MGRN1: variants seen among roughly 807,000 people sequenced by gnomAD.
MGRN1 encodes the protein E3 ubiquitin-protein ligase MGRN1.
MGRN1 carries 29 observed loss-of-function variants against 69.2 expected under a neutral mutation model. That is an observed-to-expected ratio of 0.42 (90% CI 0.31 to 0.57). The LOEUF (loss-of-function observed/expected upper bound fraction) is 0.57. Among genes scored for constraint, MGRN1 ranks in the 20% least tolerant of loss-of-function variants. The pLI is 0.15. For missense variants in MGRN1, 998 were observed against 796.2 expected, an observed-to-expected ratio of 1.25 and a Z score of -3.05; for synonymous variants, 470 against 344.2, an observed-to-expected ratio of 1.37 and a Z score of -4.04.
At position 4,681,577 on chromosome 16, in the gene MGRN1, G is replaced by C. The variant is rs369202298; in HGVS notation, c.1159G>C (p.Glu387Gln). The change falls in exon 13 of 17, where the codon GAG becomes CAG. Residue 387 changes from glutamate (E) to glutamine (Q), a missense_variant. Physicochemically the swap from Glu to Gln is conservative, Grantham distance 29. Coordinates refer to ENST00000262370, the MANE Select transcript of MGRN1 (RefSeq NM_015246.4). ...TNSDSVPPGY[E>Q]PISLLEALNG... is the part of the protein sequence containing the mutation. ...CTCTGACAGCGTCCCACCTGGCTAC[G>C]AGCCCATCTCGCTGCTCGAGGCGCT... 7 of 1,613,208 alleles carry C rather than the reference G, an allele frequency of 4.3e-6. No homozygotes were observed. The highest frequency in any genetic ancestry group is 1.3e-5 in the African/African-American group (1 of 74,950).
At chr16:4,661,486 T>A (rs2078681196) in intron 5 of MGRN1, among the ~76,000 whole-genome samples, 2 of 152,224 alleles carry the variant, frequency 1.3e-5, no homozygotes, top group African/African-American at 4.8e-5. Flanking sequence ...CACTTGGAGC[T>A]TTGTGTTAGG....
Position 4,652,010 on chromosome 16 carries a change from G to A in MGRN1, c.255G>A (p.Arg85=). The change falls in exon 3 of 17, where the codon CGG becomes CGA. Residue 85 remains arginine (R), a synonymous_variant. Transcript: ENST00000262370. Reference sequence around the variant, plus strand: ...CCCACGAGCCCGTGAAGACGCTGCGGAGCCTGGTGAACATCCGCAAAGACT... The same window carrying A: ...CCCACGAGCCCGTGAAGACGCTGCGAAGCCTGGTGAACATCCGCAAAGACT... ...PAPHEPVKTL[R]SLVNIRKDSL... 6.2e-7 allele frequency: 1 copy of A among 1,614,052 alleles called. No individual in the cohort carries two copies. The highest frequency in any genetic ancestry group is 8.5e-7 in the Non-Finnish European group (1 of 1,179,974).
At chr16:4,641,750 C>G (rs534016258) in intron 1 of MGRN1, among the ~76,000 whole-genome samples, 14 of 152,036 alleles carry the variant, frequency 9.2e-5, no homozygotes, top group Non-Finnish European at 1.6e-4. Flanking sequence ...AACTCCCAAC[C>G]TCAGGTGATT....
Position 4,682,926 on chromosome 16 carries a change from C to A in MGRN1, c.1462C>A (p.Arg488=), listed in dbSNP as rs772407632. 11 of 1,595,462 alleles carry A rather than the reference C, an allele frequency of 6.9e-6. No individual in the cohort carries two copies. The highest frequency in any genetic ancestry group is 9.4e-6 in the Non-Finnish European group (11 of 1,168,604). Reference sequence around the variant, plus strand: ...ACTGGGTGGCGCAGAGCTGGCCCTGCGGGAAAGCAGCTCCCCTGAGGTGAG... The same window carrying A: ...ACTGGGTGGCGCAGAGCTGGCCCTGAGGGAAAGCAGCTCCCCTGAGGTGAG... ...PPLGGAELAL[R]ESSSPESFIT... is the part of the protein sequence containing the mutation. Residue 488 remains arginine (R), a synonymous_variant, in exon 14 of 17, where the codon CGG becomes AGG. Coordinates refer to ENST00000262370, the MANE Select transcript of MGRN1 (RefSeq NM_015246.4).
intron 9 of MGRN1, chr16:4,672,377 GAGT>G (rs1229399869): frequency 2.2e-6 from 1 of 456,582 alleles, no homozygotes; most frequent in Non-Finnish European, 4.4e-6. Context: ...ACACTGACAT[GAGT>G]GAAACTCCTG....
chr16:4,643,969 T>G (rs1162199564), intron 1 of MGRN1, among the ~76,000 whole-genome samples: 1 of 146,856 alleles, frequency 6.8e-6, no homozygotes, highest in African/African-American at 2.7e-5. Context: ...ATGCTAGTTT[T>G]TTTTGTTTGT....
intron 4 of MGRN1, among the ~76,000 whole-genome samples, chr16:4,653,738 T>G (rs1378480717): frequency 6.6e-6 from 1 of 151,804 alleles, no homozygotes; most frequent in East Asian, 1.9e-4. Context: ...TCTGTCCATC[T>G]CAGCCTCCCA....
rs185743892 is a variant in MGRN1 at position 4,660,276 on chromosome 16, G to A, written c.561+2913G>A. 6.2e-3 allele frequency among the ~76,000 whole-genome samples: 937 copies of A among 152,330 alleles called. 13 individuals are homozygous for A. The highest frequency in any genetic ancestry group is 0.021 in the African/African-American group (890 of 41,584). Reference sequence around the variant, plus strand: ...CTGGGTTTGCCCCTCTGTAGACTGGGGCTGGAAGCAGTCCCTCGCAGGGTG... The same window carrying A: ...CTGGGTTTGCCCCTCTGTAGACTGGAGCTGGAAGCAGTCCCTCGCAGGGTG... On this transcript the variant is annotated intron_variant, in intron 5 of 16. Coordinates refer to ENST00000262370, the MANE Select transcript of MGRN1 (RefSeq NM_015246.4).
chr16:4,667,008 C>T lies in MGRN1; in HGVS notation c.679-1257C>T, dbSNP rs768662275. On this transcript the variant is annotated intron_variant, in intron 7 of 16. Coordinates refer to ENST00000262370, the MANE Select transcript of MGRN1 (RefSeq NM_015246.4). Reference sequence around the variant, plus strand: ...TAGTGCCTTGGTGCCTCGGTGGCCCCGCCCCCAGTGTGCACTGACGTTCAT... The same window carrying T: ...TAGTGCCTTGGTGCCTCGGTGGCCCTGCCCCCAGTGTGCACTGACGTTCAT... 3.3e-5 allele frequency among the ~76,000 whole-genome samples: 5 copies of T among 152,194 alleles called. No homozygotes were observed. In the South Asian group the frequency reaches 8.3e-4, roughly 25 times the overall value.
chr16:4,652,508 C>T (rs890910920), intron 3 of MGRN1, among the ~76,000 whole-genome samples, 170 bp from the exon 4 acceptor site: 2 of 152,186 alleles, frequency 1.3e-5, no homozygotes, highest in African/African-American at 4.8e-5. Flanking sequence ...GAGGCAAGCC[C>T]TGGACCACTG....
At position 4,683,945 on chromosome 16, in the gene MGRN1, G is replaced by T; in HGVS notation, c.1618+13G>T. The T allele has an allele frequency of 1.9e-6, 3 of 1,559,988 alleles. No individual in the cohort carries two copies. The South Asian group carries it at 3.5e-5, about 18-fold the overall frequency. On this transcript the variant is annotated intron_variant, in intron 16 of 16. Transcript: ENST00000262370. ...ATCTACCTGCCAGGTAAGGGGCTGGGGGTCTGGGGGTGAGGGGCTGGGTGC... is the reference window on the plus strand; with the variant it reads ...ATCTACCTGCCAGGTAAGGGGCTGGTGGTCTGGGGGTGAGGGGCTGGGTGC...
At chr16:4,646,347 T>G (rs544329780) in intron 1 of MGRN1, among the ~76,000 whole-genome samples, 3 of 152,100 alleles carry the variant, frequency 2.0e-5, no homozygotes, top group East Asian at 3.9e-4. Flanking sequence ...GAGGATTGTT[T>G]GAGCTCAGGA....
intron 16 of MGRN1, among the ~76,000 whole-genome samples, chr16:4,685,894 G>A (rs2079301540): frequency 6.6e-6 from 1 of 152,170 alleles, no homozygotes; most frequent in Non-Finnish European, 1.5e-5. Context: ...AACACTGGGG[G>A]CCCTGGTGTC....
intron 16 of MGRN1, among the ~76,000 whole-genome samples, chr16:4,685,601 C>G (rs188419878): frequency 6.6e-6 from 1 of 152,240 alleles, no homozygotes; most frequent in Non-Finnish European, 1.5e-5. Flanking sequence ...TTCTGAGCCA[C>G]GGAGAGCACA....
chr16:4,659,206 C>G (rs1293231890), intron 5 of MGRN1: 2 of 152,294 alleles, frequency 1.3e-5, no homozygotes, highest in South Asian at 2.1e-4. Context: ...AAATAAACGT[C>G]TCCCCAGACT....
chr16:4,631,603 G>GACC (rs1898003990), intron 1 of MGRN1, among the ~76,000 whole-genome samples: 1 of 152,202 alleles, frequency 6.6e-6, no homozygotes, highest in East Asian at 1.9e-4. Flanking sequence ...TCTGTTCTTA[G>GACC]ACCAGCAGCA....
intron 1 of MGRN1, among the ~76,000 whole-genome samples, chr16:4,647,302 G>A (rs2078294978): frequency 6.6e-6 from 1 of 152,200 alleles, no homozygotes; most frequent in South Asian, 2.1e-4. Flanking sequence ...GGAGACCACC[G>A]TGCCCTGAGG....
intron 5 of MGRN1, chr16:4,664,231 G>A (rs1350343542): frequency 1.4e-5 from 3 of 218,122 alleles, no homozygotes; most frequent in African/African-American, 6.9e-5. Flanking sequence ...GCTGCACCGT[G>A]GGTGAACTTT....
At chr16:4,643,573 C>G (rs963200223) in intron 1 of MGRN1, among the ~76,000 whole-genome samples, 2 of 151,722 alleles carry the variant, frequency 1.3e-5, no homozygotes, top group African/African-American at 2.4e-5. Flanking sequence ...GGGGTTTCAC[C>G]GTGTTAGCCA....
Sources: allele counts gnomAD v4.1 joint callset (sites outside exome capture counted in the v4.1 genomes callset), GRCh38; gene constraint gnomAD v4.1.1; transcripts MANE v1.5; gene names NCBI Gene and HGNC (gene_info 2026-07-23, HGNC 2026-07-21).